CENPF: variants seen among roughly 807,000 people sequenced by gnomAD.
CENPF encodes the protein centromere protein F.
In CENPF, 214 loss-of-function variants were observed where a neutral mutation model predicts 307.3. The ratio of observed to expected loss-of-function variants is 0.70; its 90% CI spans 0.62 to 0.78. CENPF has a LOEUF of 0.78. Ranked by LOEUF, CENPF falls within the 30% of genes least tolerant of loss-of-function variation. The pLI is 0.00. For missense variants in CENPF, 3,401 were observed against 3,483.9 expected (o/e 0.98, Z 0.60); for synonymous variants, 1,259 against 1,270.6 (o/e 0.99, Z 0.19).
chr1:214,620,659 C>A lies in CENPF; in HGVS notation c.578C>A (p.Ala193Glu). 1 of 1,608,310 alleles carries A rather than the reference C, an allele frequency of 6.2e-7. No homozygotes were observed. The highest frequency in any genetic ancestry group is 1.1e-5 in the South Asian group (1 of 89,814). Reference sequence around the variant, plus strand: ...AAAGAGATTCTGTTTCTACAGAAAGCAAGCCAGACTCTTCCACAAGCCACC... The same window carrying A: ...AAAGAGATTCTGTTTCTACAGAAAGAAAGCCAGACTCTTCCACAAGCCACC... ...AEVKALQAKKASQTLPQATMN... is the reference protein window; with the variant it reads ...AEVKALQAKKESQTLPQATMN... The change falls in exon 6 of 20, where the codon GCA (alanine) becomes GAA (glutamate). Residue 193 changes from alanine (A) to glutamate (E), a missense_variant. Transcript: ENST00000366955.
intron 10 of CENPF, among the ~76,000 whole-genome samples, chr1:214,634,575 T>C (rs1395226058): frequency 6.6e-6 from 1 of 152,228 alleles, no homozygotes; most frequent in Non-Finnish European, 1.5e-5. Flanking sequence ...AGTTAAATAT[T>C]GTATGTAAAG....
At position 214,619,174 on chromosome 1, in the gene CENPF, A is replaced by C; in HGVS notation, c.527A>C (p.Glu176Ala). Residue 176 changes from glutamate to alanine, a missense_variant, in exon 5 of 20, where the codon GAA becomes GCA. By Grantham distance (107) the Glu-to-Ala change is moderately radical (BLOSUM62 -1). Transcript: ENST00000366955. The part of the protein sequence containing the change: ...DLKEKYNKEV[E>A]ERKRLEAEVK... ...AAAGAAAAATATAATAAAGAGGTTG[A>C]AGAACGAAAAAGATTAGAGGCAGAG... The C allele has an allele frequency of 6.3e-7, 1 of 1,587,966 alleles. No homozygotes were observed. The highest frequency in any genetic ancestry group is 8.6e-7 in the Non-Finnish European group (1 of 1,159,250).
intron 14 of CENPF, among the ~76,000 whole-genome samples, chr1:214,650,025 G>A (rs1658419662): frequency 6.6e-6 from 1 of 152,194 alleles, no homozygotes; most frequent in Admixed American, 6.5e-5. Flanking sequence ...TAACAAATAA[G>A]CGGATAAATA....
rs781527319 is a variant in CENPF, at chr1:214,655,350, T to A, written c.8432T>A (p.Ile2811Lys). Residue 2811 changes from isoleucine (I) to lysine (K), a missense_variant, in exon 17 of 20, where the codon ATA becomes AAA. Ile to Lys is a moderately radical substitution (Grantham distance 102). Coordinates refer to ENST00000366955, the MANE Select transcript of CENPF (RefSeq NM_016343.4). ...SCKQLEEEKE[I>K]LQKELSQLQA... The stretch of plus-strand genomic sequence containing the variant: ...AAACAGCTGGAAGAGGAAAAGGAGA[T>A]ACTGCAGAAAGAACTCTCTCAACTT... 5.0e-6 allele frequency: 8 copies of A among 1,609,610 alleles called. No individual in the cohort carries two copies. The highest frequency in any genetic ancestry group is 6.8e-6 in the Non-Finnish European group (8 of 1,177,766).
chr1:214,650,998 C>T (rs1025053806), intron 14 of CENPF, among the ~76,000 whole-genome samples: 2 of 152,128 alleles, frequency 1.3e-5, no homozygotes, highest in African/African-American at 4.8e-5. Flanking sequence ...ACTTAGATGT[C>T]GATTGAGATG....
intron 1 of CENPF, chr1:214,608,531 C>G (rs1449757198): frequency 3.1e-6 from 5 of 1,611,760 alleles, no homozygotes; most frequent in Non-Finnish European, 8.5e-7. Context: ...ACGCAGCGAA[C>G]ATACATGCAG....
chr1:214,656,528 A>G (rs1400892566), intron 17 of CENPF, among the ~76,000 whole-genome samples: 1 of 152,222 alleles, frequency 6.6e-6, no homozygotes. Context: ...TCCCAAAGCC[A>G]TACAACAGAA....
At chr1:214,608,699 C>A in intron 1 of CENPF, 3 of 1,593,982 alleles carry the variant, frequency 1.9e-6, no homozygotes, top group Non-Finnish European at 2.6e-6. Flanking sequence ...GCGGCCCCGG[C>A]CCCACCAGGC....
chr1:214,608,603 G>A, intron 1 of CENPF: 1 of 1,608,578 alleles, frequency 6.2e-7, no homozygotes, highest in Non-Finnish European at 8.5e-7. Context: ...AGCTCGCGCT[G>A]GCTGTACTGG....
chr1:214,661,144 C>T (rs1407489572), intron 19 of CENPF, among the ~76,000 whole-genome samples: 1 of 152,154 alleles, frequency 6.6e-6, no homozygotes, highest in Non-Finnish European at 1.5e-5. Context: ...GAGTAGTAAC[C>T]ATGGTTTCTG....
intron 10 of CENPF, among the ~76,000 whole-genome samples, chr1:214,634,861 C>T (rs191244009): frequency 3.9e-5 from 6 of 152,122 alleles, no homozygotes; most frequent in East Asian, 3.9e-4. Context: ...TTTTGGATGC[C>T]GAAATAATGT....
In CENPF at chr1:214,641,314, C is replaced by T. The variant is rs1658106036; in HGVS notation, c.2976C>T (p.Asn992=). The change falls in exon 12 of 20, where the codon AAC becomes AAT. Residue 992 remains asparagine, a synonymous_variant. Transcript: ENST00000366955. ...CATCCTTAAATCAAGAGAAGATGAA[C>T]TTAATCCAGAAAAGTGAGAGTTTTG... ...INASLNQEKM[N]LIQKSESFAN... The T allele has an allele frequency of 1.9e-6, 3 of 1,610,552 alleles. No homozygotes were observed. Among genetic ancestry groups the T allele is most frequent in the Admixed American group, 1.7e-5 (1 of 59,322 alleles).
intron 17 of CENPF, among the ~76,000 whole-genome samples, 192 bp downstream of exon 17, chr1:214,655,595 G>C (rs1571728041): frequency 6.6e-6 from 1 of 152,042 alleles, no homozygotes; most frequent in African/African-American, 2.4e-5. Context: ...TCAGAATGAA[G>C]CCTTTTTTTG....
Position 214,646,844 on chromosome 1 carries a change from AAG to A in CENPF, c.7277_7278del (p.Glu2426AlafsTer26). The A allele has an allele frequency of 6.2e-7, 1 of 1,611,740 alleles. No homozygotes were observed. On this transcript the variant is annotated frameshift_variant, in exon 13 of 20. Coordinates refer to ENST00000366955, the MANE Select transcript of CENPF (RefSeq NM_016343.4). LOFTEE classifies it high-confidence loss of function. Reference sequence around the variant, plus strand: ...TCATTTGAAAATATTTTGCAAGAAAAAGAGCAAGAGAAAGTACAGATGAAAGA... The same window carrying A: ...TCATTTGAAAATATTTTGCAAGAAAAAGCAAGAGAAAGTACAGATGAAAGA...
rs139511530 is a variant in CENPF at position 214,618,146 on chromosome 1, C to T, written c.360-427C>T. ...CAGATCTTGTGAGAACGCACTATCA[C>T]GAGAATAGCATGGGAAAACTGCCCC... On this transcript the variant is annotated intron_variant, in intron 3 of 19. Coordinates refer to ENST00000366955, the MANE Select transcript of CENPF (RefSeq NM_016343.4). Among the ~76,000 whole-genome samples the T allele has an allele frequency of 2.5e-3, 384 of 152,236 alleles. 2 individuals carry two copies. Among genetic ancestry groups the T allele is most frequent in the African/African-American group, 8.8e-3 (367 of 41,538 alleles).
At chr1:214,654,009 C>T (rs1658560041) in intron 16 of CENPF, 1 of 152,094 alleles carries the variant, frequency 6.6e-6, no homozygotes, top group Non-Finnish European at 1.5e-5. Flanking sequence ...AGATGAGATC[C>T]AAGCTCTAAC....
chr1:214,624,917 TC>T (rs1558175215), intron 7 of CENPF, among the ~76,000 whole-genome samples: 2 of 152,200 alleles, frequency 1.3e-5, no homozygotes, highest in East Asian at 3.9e-4. Flanking sequence ...TGTCTGTTTC[TC>T]CTTTGATTTC....
At chr1:214,648,554 G>A (rs1447618966) in intron 13 of CENPF, 121 bp from the exon 14 acceptor site, 15 of 1,106,114 alleles carry the variant, frequency 1.4e-5, no homozygotes, top group Non-Finnish European at 1.6e-5. Context: ...GGCGGGATTA[G>A]CCAGCTTCCA....
intron 11 of CENPF, among the ~76,000 whole-genome samples, chr1:214,638,985 G>A (rs1206691467): frequency 6.6e-6 from 1 of 152,234 alleles, no homozygotes; most frequent in Non-Finnish European, 1.5e-5. Context: ...AGCAAAGTGG[G>A]ATGAAGCCCT....
Sources: gnomAD v4.1 joint callset for allele counts (sites outside exome capture counted in the v4.1 genomes callset) on GRCh38, gnomAD v4.1.1 for gene constraint, MANE v1.5 for transcripts, NCBI Gene and HGNC (gene_info 2026-07-23, HGNC 2026-07-21) for gene names.